The following DOCK8 variants were observed in gnomAD, a reference collection of about 807,000 sequenced individuals.
DOCK8 encodes the protein dedicator of cytokinesis 8.
Under a neutral mutation model 245.6 loss-of-function variants are expected in DOCK8, and 141 were observed. The observed-to-expected ratio is 0.57, with a 90% CI of 0.50 to 0.66. DOCK8 has a LOEUF of 0.66. Ranked by LOEUF, DOCK8 falls within the 30% of genes least tolerant of loss-of-function variation. The probability of loss-of-function intolerance (pLI) is 0.00; values close to 1 mark genes in which losing one functional copy is unlikely to be tolerated. For missense variants in DOCK8, 2,965 were observed against 2,603.4 expected (o/e 1.14, Z -3.02); for synonymous variants, 1,168 against 970.2 (o/e 1.20, Z -3.79).
intron 14 of DOCK8, chr9:366,417 C>T (rs1214951725): frequency 6.6e-6 from 1 of 152,168 alleles, no homozygotes; most frequent in African/African-American, 2.4e-5. Flanking sequence ...CGTAACGGCT[C>T]CTGTGTGTTC....
intron 1 of DOCK8, among the ~76,000 whole-genome samples, chr9:248,068 TG>T (rs371707545): frequency 8.5e-5 from 13 of 152,226 alleles, no homozygotes; most frequent in Middle Eastern, 3.4e-3. Context: ...AAAAGAATCT[TG>T]CATTAAGTCC....
intron 1 of DOCK8, among the ~76,000 whole-genome samples, chr9:238,643 A>G (rs1432841147): frequency 6.6e-6 from 1 of 152,218 alleles, no homozygotes; most frequent in Non-Finnish European, 1.5e-5. Context: ...AAGGAAAACC[A>G]ATTTTGCCAT....
At chr9:355,769 C>A (rs1021044376) in intron 14 of DOCK8, among the ~76,000 whole-genome samples, 11 of 152,168 alleles carry the variant, frequency 7.2e-5, no homozygotes, top group Non-Finnish European at 1.2e-4. Context: ...ACCCCAGCAC[C>A]TTGTACACCC....
At position 340,248 on chromosome 9, in the gene DOCK8, A is replaced by G. The variant is rs142672405; in HGVS notation, c.1606A>G (p.Asn536Asp). 4.3e-6 allele frequency: 7 copies of G among 1,613,998 alleles called. No homozygotes were observed. The African/African-American group carries it at 9.3e-5, about 22-fold the overall frequency. Residue 536 changes from asparagine (N) to aspartate (D), a missense_variant, in exon 14 of 48, where the codon AAC becomes GAC. Coordinates refer to ENST00000432829, the MANE Select transcript of DOCK8 (RefSeq NM_203447.4). Reference sequence around the variant, plus strand: ...GCTGCCCGTGAAACCCTTTCCTGAAAACCGGACACGCCCGCACAAAGAGAT... The same window carrying G: ...GCTGCCCGTGAAACCCTTTCCTGAAGACCGGACACGCCCGCACAAAGAGAT... ...EMLPVKPFPE[N>D]RTRPHKEILE...
At chr9:378,756 G>A (rs1456278027) in intron 20 of DOCK8, among the ~76,000 whole-genome samples, 3 of 152,256 alleles carry the variant, frequency 2.0e-5, no homozygotes, top group Admixed American at 2.0e-4. Flanking sequence ...GGCATAGGCA[G>A]AATAAGTGGA....
rs1313767505 is a variant in DOCK8 at position 370,921 on chromosome 9, A to G, written c.1869-507A>G. ...AGGATTAAGTGAGGTAATGTACATTACATACCTACATTACTTTACAATGTA... is the reference window on the plus strand; with the variant it reads ...AGGATTAAGTGAGGTAATGTACATTGCATACCTACATTACTTTACAATGTA... On this transcript the variant is annotated intron_variant, in intron 16 of 47. Coordinates refer to ENST00000432829, the MANE Select transcript of DOCK8 (RefSeq NM_203447.4). Among the ~76,000 whole-genome samples, 3 of 152,240 alleles carry G rather than the reference A, an allele frequency of 2.0e-5. No individual in the cohort carries two copies. In the East Asian group the frequency reaches 5.8e-4, roughly 29 times the overall value.
chr9:285,444 T>C (rs1316654354), intron 2 of DOCK8, among the ~76,000 whole-genome samples: 1 of 152,064 alleles, frequency 6.6e-6, no homozygotes, highest in Non-Finnish European at 1.5e-5. Context: ...AGGGTAGAGA[T>C]AGAGAAAAAC....
At chr9:442,121 T>G in intron 42 of DOCK8, 112 bp downstream of exon 42, 2 of 1,463,016 alleles carry the variant, frequency 1.4e-6, no homozygotes, top group Non-Finnish European at 1.9e-6. Context: ...CATTGATCTC[T>G]ACATAAAGTT....
chr9:372,073 T>A, intron 17 of DOCK8, 112 bp from the exon 18 acceptor site: 1 of 919,178 alleles, frequency 1.1e-6, no homozygotes, highest in Non-Finnish European at 1.7e-6. Context: ...AAAAGAGTAC[T>A]GGTCAATATC....
intron 4 of DOCK8, among the ~76,000 whole-genome samples, chr9:302,400 A>G (rs2049593488): frequency 6.6e-6 from 1 of 152,224 alleles, no homozygotes; most frequent in African/African-American, 2.4e-5. Flanking sequence ...AAAACCCTAG[A>G]GAAAAAAACT....
chr9:252,798 A>C (rs1437389336), intron 1 of DOCK8, among the ~76,000 whole-genome samples: 1 of 47,084 alleles, frequency 2.1e-5, no homozygotes, highest in Non-Finnish European at 5.2e-5. Flanking sequence ...ACTCCATCTC[A>C]AAAAAAAAAA....
chr9:462,554 T>G (rs552398688), intron 46 of DOCK8, among the ~76,000 whole-genome samples: 6 of 152,226 alleles, frequency 3.9e-5, no homozygotes, highest in Non-Finnish European at 5.9e-5. Flanking sequence ...ATCACTAATC[T>G]TGTGTGAGCT....
rs768604132 is a variant in DOCK8, at chr9:441,972, C to T, written c.5453C>T (p.Ala1818Val). The T allele has an allele frequency of 9.9e-6, 16 of 1,613,916 alleles. No individual in the cohort carries two copies. In the Admixed American group the frequency reaches 1.8e-4, roughly 18 times the overall value. Reference sequence around the variant, plus strand: ...CAGGAGTTTGTCTACAAAGAGCCTGCAATTACCAAGCTTCCTGAGATCTCA... The same window carrying T: ...CAGGAGTTTGTCTACAAAGAGCCTGTAATTACCAAGCTTCCTGAGATCTCA... Reference protein sequence around the residue: ...DEQEFVYKEPAITKLPEISHR... With the variant: ...DEQEFVYKEPVITKLPEISHR... Residue 1818 changes from alanine to valine, a missense_variant, in exon 42 of 48, where the codon GCA becomes GTA. Ala to Val is a moderately conservative substitution (Grantham distance 64, BLOSUM62 0). Coordinates refer to ENST00000432829, the MANE Select transcript of DOCK8 (RefSeq NM_203447.4).
chr9:396,692 A>G lies in DOCK8; in HGVS notation c.2971-93A>G, dbSNP rs370233038. On this transcript the variant is annotated intron_variant, in intron 24 of 47. Transcript: ENST00000432829. ...ATAAAGTGTCAGAAAATCCATTGTT[A>G]GAGAGCATTTCTGTGAGTCTTTCCC... 5.8e-5 allele frequency: 90 copies of G among 1,539,946 alleles called. No individual in the cohort carries two copies. The African/African-American group carries it at 1.1e-3, about 19-fold the overall frequency.
Position 271,776 on chromosome 9 carries a change from G to A in DOCK8, c.156+47G>A, listed in dbSNP as rs1340556921. 4 of 1,366,994 alleles carry A rather than the reference G, an allele frequency of 2.9e-6. No homozygotes were observed. The South Asian group carries it at 5.1e-5, about 17-fold the overall frequency. 84.7% of individuals were successfully genotyped at this position (1,366,994 alleles called of 1,614,324 possible). On this transcript the variant is annotated intron_variant, in intron 2 of 47. Coordinates refer to ENST00000432829, the MANE Select transcript of DOCK8 (RefSeq NM_203447.4). ...ACTTAGCGATTGGTCAAGTGCAAAA[G>A]TGCCCAGGGTATGTGTTTGCCTCCT...
At chr9:342,431 T>C (rs1002116970) in intron 14 of DOCK8, among the ~76,000 whole-genome samples, 1 of 150,652 alleles carries the variant, frequency 6.6e-6, no homozygotes, top group African/African-American at 2.4e-5. Flanking sequence ...TCAGTATTGA[T>C]TCATGTAAAG....
chr9:261,634 T>C (rs1250811947), intron 1 of DOCK8, among the ~76,000 whole-genome samples: 2 of 152,244 alleles, frequency 1.3e-5, no homozygotes, highest in Admixed American at 6.5e-5. Context: ...CTGTTTATCA[T>C]GTTCAAGCTC....
intron 4 of DOCK8, among the ~76,000 whole-genome samples, chr9:292,868 G>T (rs1440006707): frequency 6.6e-6 from 1 of 152,124 alleles, no homozygotes; most frequent in Non-Finnish European, 1.5e-5. Flanking sequence ...TGGGATTAAA[G>T]CATTAATCCA....
chr9:270,791 T>A (rs556374444), intron 1 of DOCK8, among the ~76,000 whole-genome samples: 18 of 152,368 alleles, frequency 1.2e-4, no homozygotes, highest in Non-Finnish European at 2.2e-4. Context: ...GTGGTATTGG[T>A]ATTGTATGTT....
Sources: allele counts gnomAD v4.1 joint callset (sites outside exome capture counted in the v4.1 genomes callset), GRCh38; gene constraint gnomAD v4.1.1; transcripts MANE v1.5; gene names NCBI Gene and HGNC (gene_info 2026-07-23, HGNC 2026-07-21).